Variants in ASCC3 observed in about 807,000 individuals in gnomAD.
ASCC3 encodes the protein ASC-1 complex subunit P200.
ASCC3 carries 158 observed loss-of-function variants against 256.3 expected under a neutral mutation model. The observed-to-expected ratio is 0.62, with a 90% CI of 0.54 to 0.70. ASCC3 has a LOEUF of 0.70. ASCC3 is among the 30% of genes least tolerant of loss of function. The probability of loss-of-function intolerance (pLI) is 0.00; values close to 1 mark genes in which losing one functional copy is unlikely to be tolerated. For synonymous variants in ASCC3, 948 were observed against 883.4 expected, an observed-to-expected ratio of 1.07 and a Z score of -1.30; for missense variants, 2,259 against 2,626.0, an observed-to-expected ratio of 0.86 and a Z score of 3.05.
chr6:100,590,640 A>G (rs1464896056), intron 34 of ASCC3, among the ~76,000 whole-genome samples: 4 of 152,082 alleles, frequency 2.6e-5, no homozygotes, highest in African/African-American at 9.7e-5. Flanking sequence ...GTGGTCTTAG[A>G]GAACCGGTTC....
intron 5 of ASCC3, among the ~76,000 whole-genome samples, chr6:100,802,272 G>A (rs1769954467): frequency 6.6e-6 from 1 of 152,026 alleles, no homozygotes; most frequent in Admixed American, 6.6e-5. Context: ...CTAACACAAA[G>A]TTATTCTGAA....
intron 8 of ASCC3, among the ~76,000 whole-genome samples, chr6:100,771,876 T>G (rs55698586): frequency 0.35 from 40,830 of 116,396 alleles, 7,976 homozygotes; most frequent in Middle Eastern, 0.52. Flanking sequence ...GTTTTTTTTT[T>G]TTTTTTTTTT....
At chr6:100,877,540 G>A (rs1488425882) in intron 1 of ASCC3, among the ~76,000 whole-genome samples, 2 of 152,064 alleles carry the variant, frequency 1.3e-5, no homozygotes, top group East Asian at 1.9e-4. Flanking sequence ...TCCATTATGC[G>A]ATTTCAAAAG....
chr6:100,751,259 T>C (rs1315234284), intron 10 of ASCC3, among the ~76,000 whole-genome samples: 1 of 152,120 alleles, frequency 6.6e-6, no homozygotes, highest in Non-Finnish European at 1.5e-5. Flanking sequence ...ATCTTTAGCA[T>C]TAATGCTAGT....
Position 100,509,940 on chromosome 6 carries a change from T to C in ASCC3, c.6453A>G (p.Ile2151Met), listed in dbSNP as rs576990608. ...VASLSFYTPE[I>M]PGRYIYTLYF... Reference sequence around the variant, plus strand: ...AGTAGGATTCTTCTTACCTTCCAGGTATTTCAGGGGTATAAAAAGAAAGGG... The same window carrying C: ...AGTAGGATTCTTCTTACCTTCCAGGCATTTCAGGGGTATAAAAAGAAAGGG... Residue 2151 changes from isoleucine (I) to methionine (M), a missense_variant, in exon 41 of 42, where the codon ATA becomes ATG. Transcript: ENST00000369162. 1 of 1,612,716 alleles carries C rather than the reference T, an allele frequency of 6.2e-7. No individual in the cohort carries two copies. The highest frequency in any genetic ancestry group is 8.5e-7 in the Non-Finnish European group (1 of 1,179,266).
At chr6:100,591,272 A>G (rs1354916665) in intron 34 of ASCC3, among the ~76,000 whole-genome samples, 1 of 152,074 alleles carries the variant, frequency 6.6e-6, no homozygotes, top group Non-Finnish European at 1.5e-5. Context: ...ATGACTAAGG[A>G]GGAGTAGTTA....
intron 36 of ASCC3, among the ~76,000 whole-genome samples, chr6:100,547,708 A>G (rs1769052915): frequency 6.6e-6 from 1 of 152,024 alleles, no homozygotes; most frequent in South Asian, 2.1e-4. Context: ...AAGATGTTCC[A>G]ATTTCTTTGG....
At chr6:100,809,351 T>C (rs1039659674) in intron 4 of ASCC3, among the ~76,000 whole-genome samples, 1 of 152,046 alleles carries the variant, frequency 6.6e-6, no homozygotes, top group Non-Finnish European at 1.5e-5. Flanking sequence ...TATAAGCTTT[T>C]TTCTATTTTT....
intron 10 of ASCC3, among the ~76,000 whole-genome samples, chr6:100,733,841 C>T (rs1780020576): frequency 6.6e-6 from 1 of 152,156 alleles, no homozygotes; most frequent in Admixed American, 6.6e-5. Flanking sequence ...AAGAGACTCT[C>T]CCATCTCCTC....
intron 3 of ASCC3, among the ~76,000 whole-genome samples, chr6:100,850,986 T>A (rs1772638232): frequency 6.6e-6 from 1 of 152,158 alleles, no homozygotes; most frequent in South Asian, 2.1e-4. Flanking sequence ...AATACACATT[T>A]TTTGTAAAGA....
intron 10 of ASCC3, among the ~76,000 whole-genome samples, chr6:100,736,486 A>G (rs1047042046): frequency 1.7e-4 from 26 of 151,062 alleles, no homozygotes; most frequent in South Asian, 1.0e-3. Flanking sequence ...GGGCAACAAG[A>G]GTAAAACTCC....
intron 10 of ASCC3, among the ~76,000 whole-genome samples, chr6:100,765,916 G>A (rs1181143765): frequency 1.3e-5 from 2 of 151,792 alleles, no homozygotes. Context: ...ATTAATATCT[G>A]GTCATCCACT....
chr6:100,685,164 T>C (rs1375616986), intron 13 of ASCC3, among the ~76,000 whole-genome samples: 1 of 152,118 alleles, frequency 6.6e-6, no homozygotes, highest in Non-Finnish European at 1.5e-5. Context: ...TGGATATATC[T>C]GAAAAAGATA....
chr6:100,780,731 T>C (rs1782401790), intron 8 of ASCC3, among the ~76,000 whole-genome samples: 1 of 152,220 alleles, frequency 6.6e-6, no homozygotes, highest in Admixed American at 6.5e-5. Context: ...CAAGTAACCA[T>C]TTGTTGAATG....
chr6:100,799,220 C>T (rs1435818104), intron 7 of ASCC3, among the ~76,000 whole-genome samples: 1 of 151,938 alleles, frequency 6.6e-6, no homozygotes, highest in African/African-American at 2.4e-5. Flanking sequence ...ATTGCAAAAA[C>T]AATGAAAAGG....
chr6:100,704,926 A>G (rs1478018099), intron 13 of ASCC3, among the ~76,000 whole-genome samples: 1 of 152,096 alleles, frequency 6.6e-6, no homozygotes, highest in Non-Finnish European at 1.5e-5. Flanking sequence ...CAAAGTTTGT[A>G]TAACAAGAAA....
intron 7 of ASCC3, 57 bp from the exon 8 acceptor site, chr6:100,798,895 G>GT: frequency 7.0e-7 from 1 of 1,434,158 alleles, no homozygotes; most frequent in South Asian, 1.2e-5. Context: ...ACTTGCTCTG[G>GT]TAAATATTCT....
chr6:100,643,136 C>G (rs1186996271), intron 23 of ASCC3, among the ~76,000 whole-genome samples: 1 of 151,976 alleles, frequency 6.6e-6, no homozygotes, highest in Non-Finnish European at 1.5e-5. Flanking sequence ...AAATGGAATA[C>G]CGCAATCACT....
At chr6:100,787,159 C>T (rs1462481034) in intron 8 of ASCC3, among the ~76,000 whole-genome samples, 1 of 152,046 alleles carries the variant, frequency 6.6e-6, no homozygotes, top group Non-Finnish European at 1.5e-5. Flanking sequence ...CAGAGGCTGT[C>T]ACTCCCATGA....
Sources: allele counts gnomAD v4.1 joint callset (sites outside exome capture counted in the v4.1 genomes callset), GRCh38; gene constraint gnomAD v4.1.1; transcripts MANE v1.5; gene names NCBI Gene and HGNC (gene_info 2026-07-23, HGNC 2026-07-21).